The following FER1L6 variants were observed in gnomAD, a reference collection of about 807,000 sequenced individuals.
FER1L6 encodes fer-1-like protein 6.
In FER1L6, 177 loss-of-function variants were observed where a neutral mutation model predicts 219.2. The observed-to-expected ratio is 0.81, with a 90% CI of 0.71 to 0.91. FER1L6 has a LOEUF of 0.91. Ranked by LOEUF, FER1L6 falls within the 40% of genes least tolerant of loss-of-function variation. The pLI is 0.00. For synonymous variants in FER1L6, 768 were observed against 824.3 expected (o/e 0.93, Z 1.17); for missense variants, 2,153 against 2,259.9 (o/e 0.95, Z 0.96).
chr8:123,890,886 A>G (rs1812635633), intron 1 of FER1L6, among the ~76,000 whole-genome samples: 2 of 152,078 alleles, frequency 1.3e-5, no homozygotes, highest in South Asian at 4.1e-4. Flanking sequence ...AATGGTGTTT[A>G]TTTCTAAGGT....
intron 29 of FER1L6, among the ~76,000 whole-genome samples, chr8:124,070,005 T>A (rs973712032): frequency 6.6e-6 from 1 of 152,214 alleles, no homozygotes; most frequent in Non-Finnish European, 1.5e-5. Context: ...CAACTCAATT[T>A]TGCATTTCCA....
At chr8:123,958,877 A>G (rs1438862927) in intron 2 of FER1L6, among the ~76,000 whole-genome samples, 1 of 151,500 alleles carries the variant, frequency 6.6e-6, no homozygotes, top group African/African-American at 2.4e-5. Context: ...TGCCTGTGAA[A>G]AATTCCAAGC....
At chr8:123,857,921 A>G (rs1156441551) in intron 1 of FER1L6, among the ~76,000 whole-genome samples, 5 of 152,148 alleles carry the variant, frequency 3.3e-5, no homozygotes, top group African/African-American at 1.2e-4. Flanking sequence ...AGCTGAACAC[A>G]TTTCACTCCA....
chr8:123,880,635 G>A (rs895828935), intron 1 of FER1L6, among the ~76,000 whole-genome samples: 2 of 152,092 alleles, frequency 1.3e-5, no homozygotes, highest in African/African-American at 2.4e-5. Flanking sequence ...TTCAGCCCAC[G>A]TCCCCAACCT....
At chr8:124,068,955 G>C in intron 28 of FER1L6, among the ~76,000 whole-genome samples, 1 of 140,202 alleles carries the variant, frequency 7.1e-6, no homozygotes, top group African/African-American at 2.7e-5. Context: ...TTTTTTTTCC[G>C]AGACGGAGTC....
Position 124,118,848 on chromosome 8 carries a change from A to G in FER1L6, c.5294A>G (p.Lys1765Arg), listed in dbSNP as rs1468485951. ...AGGTTTTGCATCTTTTTGCAGGGCA[A>G]GGTTGAAGCTGAGTTCCACCTAGTT... ...PFSKSKELTG[K>R]VEAEFHLVTA... The change falls in exon 40 of 41, where the codon AAG (lysine) becomes AGG (arginine). Residue 1765 changes from lysine to arginine, a missense_variant. Transcript: ENST00000522917. 2.5e-6 allele frequency: 4 copies of G among 1,613,890 alleles called. No homozygotes were observed. Among genetic ancestry groups the G allele is most frequent in the Non-Finnish European group, 8.5e-7 (1 of 1,179,896 alleles).
intron 21 of FER1L6, 51 bp downstream of exon 21, chr8:124,045,952 G>A (rs759114350): frequency 8.8e-6 from 14 of 1,597,780 alleles, no homozygotes; most frequent in African/African-American, 4.0e-5. Flanking sequence ...AAAATGCCAC[G>A]TTGAACTCAC....
chr8:123,868,158 A>G (rs1406294413), intron 1 of FER1L6, among the ~76,000 whole-genome samples: 2 of 152,302 alleles, frequency 1.3e-5, no homozygotes, highest in East Asian at 3.9e-4. Flanking sequence ...AAGTACCAGT[A>G]CAGTGGGAAC....
intron 26 of FER1L6, 61 bp downstream of exon 26, chr8:124,064,634 A>C: frequency 4.8e-6 from 7 of 1,469,166 alleles, no homozygotes; most frequent in Non-Finnish European, 6.5e-6. Flanking sequence ...TGCAGGTCTC[A>C]GACAATATGA....
chr8:124,060,869 G>A (rs1359149504), intron 24 of FER1L6, 160 bp downstream of exon 24: 5 of 823,772 alleles, frequency 6.1e-6, no homozygotes, highest in Non-Finnish European at 9.0e-6. Context: ...TTGTTGTTTT[G>A]TTTTGAAACG....
chr8:123,948,763 A>G (rs1814613993), intron 1 of FER1L6, among the ~76,000 whole-genome samples: 1 of 150,432 alleles, frequency 6.6e-6, no homozygotes, highest in Admixed American at 6.8e-5. Flanking sequence ...TAGACGGGAA[A>G]TAGCAGGCAT....
intron 1 of FER1L6, among the ~76,000 whole-genome samples, chr8:123,908,745 A>G (rs1007428985): frequency 1.3e-5 from 2 of 152,232 alleles, no homozygotes; most frequent in Admixed American, 6.5e-5. Flanking sequence ...AGAGGCAACA[A>G]TGAACAAGTT....
chr8:123,935,537 C>A (rs1165524995), intron 1 of FER1L6, among the ~76,000 whole-genome samples: 1 of 152,140 alleles, frequency 6.6e-6, no homozygotes, highest in Non-Finnish European at 1.5e-5. Flanking sequence ...TTTTGACTAG[C>A]CTTATCCATC....
intron 12 of FER1L6, among the ~76,000 whole-genome samples, chr8:123,990,489 T>A (rs1054766605): frequency 6.6e-6 from 1 of 152,142 alleles, no homozygotes; most frequent in African/African-American, 2.4e-5. Context: ...ATGTTGAGCA[T>A]TTTTTTCATA....
intron 31 of FER1L6, among the ~76,000 whole-genome samples, chr8:124,074,400 G>T (rs542428711): frequency 4.3e-4 from 66 of 152,276 alleles, no homozygotes; most frequent in Non-Finnish European, 8.1e-4. Flanking sequence ...GCTCATGCCT[G>T]TAATCCCAGC....
chr8:124,101,228 T>C lies in FER1L6; in HGVS notation c.5015T>C (p.Ile1672Thr), dbSNP rs986834485. ...QYLPAEKQMV[I>T]TKRENIFSLE... ...CTCCCAGCTGAGAAGCAAATGGTCA[T>C]TACCAAGAGGGAGAACATCTTCTCT... The change falls in exon 38 of 41, where the codon ATT becomes ACT. Residue 1672 changes from isoleucine (I) to threonine (T), a missense_variant. Transcript: ENST00000522917. 7 of 1,613,804 alleles carry C rather than the reference T, an allele frequency of 4.3e-6. No individual in the cohort carries two copies. The African/African-American group carries it at 6.7e-5, about 15-fold the overall frequency.
At chr8:123,996,915 C>T (rs564807003) in intron 12 of FER1L6, among the ~76,000 whole-genome samples, 1 of 152,220 alleles carries the variant, frequency 6.6e-6, no homozygotes, top group South Asian at 2.1e-4. Flanking sequence ...AAAAACTCTA[C>T]ACTTTAATTT....
intron 13 of FER1L6, among the ~76,000 whole-genome samples, chr8:124,010,194 G>A (rs1016693273): frequency 1.3e-5 from 2 of 152,046 alleles, no homozygotes; most frequent in South Asian, 4.2e-4. Context: ...GGAAGCTGGC[G>A]AGTCAGGGAG....
In FER1L6 at chr8:124,018,927, T is replaced by C. The variant is rs1334903690; in HGVS notation, c.2013+1209T>C. 2.6e-5 allele frequency among the ~76,000 whole-genome samples: 4 copies of C among 152,220 alleles called. 1 individual carries two copies. Among genetic ancestry groups the C allele is most frequent in the Non-Finnish European group, 4.4e-5 (3 of 68,030 alleles). On this transcript the variant is annotated intron_variant, in intron 16 of 40. Transcript: ENST00000522917. ...TGCAGATTCTGCCTCTTAATGACTC[T>C]GGAACGAACTCCACTTCTTCATCTT...
Sources: allele counts gnomAD v4.1 joint callset (sites outside exome capture counted in the v4.1 genomes callset), GRCh38; gene constraint gnomAD v4.1.1; transcripts MANE v1.5; gene names NCBI Gene and HGNC (gene_info 2026-07-23, HGNC 2026-07-21).